DNAH6: variants seen among roughly 807,000 people sequenced by gnomAD.
DNAH6 encodes the protein dynein axonemal heavy chain 6, also known as axonemal beta dynein heavy chain 6.
In DNAH6, 340 loss-of-function variants were observed where a neutral mutation model predicts 491.4. The ratio of observed to expected loss-of-function variants is 0.69; its 90% CI spans 0.63 to 0.76. The LOEUF (loss-of-function observed/expected upper bound fraction) is 0.76, where lower values mean the gene tolerates loss of function less well. DNAH6 is among the 30% of genes least tolerant of loss of function. The pLI, the probability that DNAH6 is intolerant of heterozygous loss-of-function variation, is 0.00. For synonymous variants in DNAH6, 1,603 were observed against 1,686.1 expected, an observed-to-expected ratio of 0.95 and a Z score of 1.21; for missense variants, 4,443 against 4,972.2, an observed-to-expected ratio of 0.89 and a Z score of 3.20.
intron 28 of DNAH6, 26 bp downstream of exon 28, chr2:84,624,646 T>G: frequency 6.5e-7 from 1 of 1,546,150 alleles, no homozygotes; most frequent in Non-Finnish European, 8.7e-7. Context: ...CTTGGGTTAA[T>G]ATTGACACAA....
At chr2:84,653,045 C>T (rs778076495) in intron 33 of DNAH6, among the ~76,000 whole-genome samples, 6 of 151,912 alleles carry the variant, frequency 3.9e-5, no homozygotes, top group Non-Finnish European at 4.4e-5. Flanking sequence ...GTGGGAAATA[C>T]AGAAAGAAAC....
chr2:84,580,447 T>C (rs185736800), intron 14 of DNAH6, among the ~76,000 whole-genome samples: 75 of 152,260 alleles, frequency 4.9e-4, no homozygotes, highest in Non-Finnish European at 8.5e-4. Flanking sequence ...GCTCCAATAG[T>C]TTTTTCATAA....
the DNAH6 span, among the ~76,000 whole-genome samples, chr2:84,488,377 A>T: frequency 3.5e-3 from 495 of 139,756 alleles, 5 homozygotes; most frequent in Non-Finnish European, 5.8e-3. Flanking sequence ...AAAGTATAAT[A>T]AAAAAAATTA....
chr2:84,543,587 G>A (rs748801162), intron 4 of DNAH6, among the ~76,000 whole-genome samples: 1 of 151,906 alleles, frequency 6.6e-6, no homozygotes, highest in African/African-American at 2.4e-5. Context: ...TTAGAGAATC[G>A]GCCCTATTTT....
chr2:84,602,260 G>C (rs1685319415), intron 18 of DNAH6, among the ~76,000 whole-genome samples: 1 of 151,934 alleles, frequency 6.6e-6, no homozygotes, highest in East Asian at 1.9e-4. Context: ...ATTTCTTATA[G>C]AGTATGTATG....
At chr2:84,557,420 G>A (rs1680149080) in intron 10 of DNAH6, among the ~76,000 whole-genome samples, 2 of 151,684 alleles carry the variant, frequency 1.3e-5, no homozygotes. Context: ...GCCGAGGCGG[G>A]TGGATCATGA....
At chr2:84,491,280 C>G in the DNAH6 span, among the ~76,000 whole-genome samples, 1 of 152,178 alleles carries the variant, frequency 6.6e-6, no homozygotes, top group African/African-American at 2.4e-5. Context: ...AACATTTTAA[C>G]CTGCTTACTT....
In DNAH6 at chr2:84,544,405, T is replaced by C; in HGVS notation, c.835T>C (p.Trp279Arg). ...KIPIFSLFRK[W>R]KAFSVWRKNV... Reference sequence around the variant, plus strand: ...TCCCATATTTTCACTGTTCCGGAAATGGAAGGCTTTTAGTGTATGGAGGAA... The same window carrying C: ...TCCCATATTTTCACTGTTCCGGAAACGGAAGGCTTTTAGTGTATGGAGGAA... The change falls in exon 5 of 77, where the codon TGG becomes CGG. Residue 279 changes from tryptophan (W) to arginine (R), a missense_variant. By Grantham distance (101) the Trp-to-Arg change is moderately radical. Coordinates refer to ENST00000389394, the MANE Select transcript of DNAH6 (RefSeq NM_001370.2). The C allele has an allele frequency of 6.5e-7, 1 of 1,544,296 alleles. No individual in the cohort carries two copies. Among genetic ancestry groups the C allele is most frequent in the Non-Finnish European group, 8.8e-7 (1 of 1,140,430 alleles).
intron 12 of DNAH6, 121 bp downstream of exon 12, chr2:84,573,708 C>T: frequency 1.3e-6 from 1 of 765,660 alleles, no homozygotes; most frequent in Non-Finnish European, 2.0e-6. Context: ...GTTGGCCTGA[C>T]ATAAGGCAAG....
intron 44 of DNAH6, among the ~76,000 whole-genome samples, chr2:84,687,518 A>G (rs1196242009): frequency 6.6e-6 from 1 of 152,178 alleles, no homozygotes; most frequent in Non-Finnish European, 1.5e-5. Context: ...TAAACTACGT[A>G]TTTTTGTAAA....
Position 84,640,522 on chromosome 2 carries a change from G to A in DNAH6, c.4914G>A (p.Gln1638=). The A allele has an allele frequency of 1.3e-6, 2 of 1,551,286 alleles. No individual in the cohort carries two copies. The highest frequency in any genetic ancestry group is 1.7e-6 in the Non-Finnish European group (2 of 1,146,724). Residue 1638 remains glutamine (Q), a synonymous_variant, in exon 32 of 77, where the codon CAG becomes CAA. Transcript: ENST00000389394. ...MYKLCSEQLS[Q]QDHYDFGMRA... is the part of the protein sequence containing the mutation. ...AGCTTTGCAGTGAGCAGCTGTCTCAGCAGGATCACTACGACTTTGGCATGA... is the reference window on the plus strand; with the variant it reads ...AGCTTTGCAGTGAGCAGCTGTCTCAACAGGATCACTACGACTTTGGCATGA...
intron 4 of DNAH6, among the ~76,000 whole-genome samples, chr2:84,534,348 C>T (rs2055269348): frequency 6.6e-6 from 1 of 152,108 alleles, no homozygotes; most frequent in South Asian, 2.1e-4. Flanking sequence ...CCTTGTCAAA[C>T]TTCCTGAATT....
At chr2:84,608,029 CAAT>C (rs142071040) in intron 21 of DNAH6, among the ~76,000 whole-genome samples, 1,728 of 152,282 alleles carry the variant, frequency 0.011, 31 homozygotes, top group African/African-American at 0.04. Flanking sequence ...GTCATTTCAA[CAAT>C]GTTTATAGCA....
intron 31 of DNAH6, 94 bp downstream of exon 31, chr2:84,637,471 C>A: frequency 7.7e-7 from 1 of 1,302,876 alleles, no homozygotes; most frequent in Non-Finnish European, 1.0e-6. Context: ...TTTATGAATG[C>A]CCCTATTAAT....
At chr2:84,772,238 G>A (rs2105181227) in intron 64 of DNAH6, among the ~76,000 whole-genome samples, 1 of 152,094 alleles carries the variant, frequency 6.6e-6, no homozygotes, top group African/African-American at 2.4e-5. Context: ...AATCAGCAGA[G>A]AATCAAAATC....
At chr2:84,579,480 A>G (rs1377555785) in intron 13 of DNAH6, 47 bp from the exon 14 acceptor site, 3 of 1,591,118 alleles carry the variant, frequency 1.9e-6, no homozygotes, top group South Asian at 1.1e-5. Flanking sequence ...ACATAATAAA[A>G]TGAAAATATT....
intron 29 of DNAH6, among the ~76,000 whole-genome samples, chr2:84,629,522 G>A (rs1374601490): frequency 6.6e-6 from 1 of 152,048 alleles, no homozygotes; most frequent in African/African-American, 2.4e-5. Context: ...TTATACTGTA[G>A]GATTTCTCAT....
chr2:84,810,779 C>A (rs766927888), intron 72 of DNAH6, among the ~76,000 whole-genome samples: 3 of 152,230 alleles, frequency 2.0e-5, no homozygotes, highest in Admixed American at 1.3e-4. Flanking sequence ...AGTGACAAGG[C>A]CACCCTGTGT....
At chr2:84,679,046 A>G (rs17025442) in intron 41 of DNAH6, among the ~76,000 whole-genome samples, 11,249 of 152,208 alleles carry the variant, frequency 0.074, 806 homozygotes, top group African/African-American at 0.18. Context: ...GTTTGGAGGA[A>G]AAAGAACTTG....
Sources: allele counts gnomAD v4.1 joint callset (sites outside exome capture counted in the v4.1 genomes callset), GRCh38; gene constraint gnomAD v4.1.1; transcripts MANE v1.5; gene names NCBI Gene and HGNC (gene_info 2026-07-23, HGNC 2026-07-21).